Variants in TMEM132C observed in about 807,000 individuals in gnomAD.
TMEM132C encodes transmembrane protein 132C, also known as protein phosphatase 1, regulatory subunit 152.
In TMEM132C, 29 loss-of-function variants were observed where a neutral mutation model predicts 61.4. The ratio of observed to expected loss-of-function variants is 0.47; its 90% CI spans 0.35 to 0.64. The LOEUF is 0.64. Ranked by LOEUF, TMEM132C falls within the 30% of genes least tolerant of loss-of-function variation. TMEM132C has a pLI of 0.00. For synonymous variants in TMEM132C, 656 were observed against 633.1 expected, an observed-to-expected ratio of 1.04 and a Z score of -0.54; for missense variants, 1,408 against 1,476.9, an observed-to-expected ratio of 0.95 and a Z score of 0.76.
intron 1 of TMEM132C, among the ~76,000 whole-genome samples, chr12:128,295,249 G>A (rs555001559): frequency 2.6e-5 from 4 of 152,166 alleles, no homozygotes; most frequent in Admixed American, 1.3e-4. Flanking sequence ...ACAACTCACC[G>A]CAGCCTCGAA....
chr12:128,298,446 G>A (rs1871490362), intron 1 of TMEM132C, among the ~76,000 whole-genome samples: 1 of 152,038 alleles, frequency 6.6e-6, no homozygotes, highest in African/African-American at 2.4e-5. Context: ...AGACTCACAG[G>A]AAGTTGCATA....
intron 2 of TMEM132C, among the ~76,000 whole-genome samples, chr12:128,429,269 A>T (rs1294556470): frequency 1.3e-5 from 2 of 152,178 alleles, no homozygotes; most frequent in Non-Finnish European, 1.5e-5. Flanking sequence ...GATATCCTAC[A>T]ATGTGCAAGA....
At chr12:128,461,740 G>A (rs1870540330) in intron 2 of TMEM132C, among the ~76,000 whole-genome samples, 1 of 152,140 alleles carries the variant, frequency 6.6e-6, no homozygotes, top group South Asian at 2.1e-4. Context: ...GTTGATGTGT[G>A]TGATAGTGGT....
At chr12:128,403,419 T>C (rs1875235955) in intron 1 of TMEM132C, among the ~76,000 whole-genome samples, 1 of 152,092 alleles carries the variant, frequency 6.6e-6, no homozygotes, top group African/African-American at 2.4e-5. Flanking sequence ...AAGAGCCCAC[T>C]TCCCTTAATT....
intron 2 of TMEM132C, among the ~76,000 whole-genome samples, chr12:128,476,564 G>A (rs1196966767): frequency 6.6e-6 from 1 of 152,128 alleles, no homozygotes; most frequent in African/African-American, 2.4e-5. Context: ...ATATTGATGG[G>A]GACTGGGAAA....
chr12:128,650,798 G>A (rs1205981055), intron 4 of TMEM132C, among the ~76,000 whole-genome samples: 2 of 152,114 alleles, frequency 1.3e-5, no homozygotes, highest in Admixed American at 6.5e-5. Flanking sequence ...TCACTCATAG[G>A]GCACCTGAGA....
At position 128,327,332 on chromosome 12, in the gene TMEM132C, G is replaced by A. The variant is rs975688059; in HGVS notation, c.85+59845G>A. Among the ~76,000 whole-genome samples the A allele has an allele frequency of 1.2e-4, 18 of 149,964 alleles. 1 individual carries two copies. The highest frequency in any genetic ancestry group is 9.8e-4 in the Admixed American group (15 of 15,254). ...ACAGCCCACAGGAGATCCTGAGAAC[G>A]TGTGCCCCAGGTGCCCGGGGCGCAG... is the stretch of plus-strand genomic sequence containing the variant. On this transcript the variant is annotated intron_variant, in intron 1 of 8. Coordinates refer to ENST00000435159, the MANE Select transcript of TMEM132C (RefSeq NM_001136103.3).
intron 3 of TMEM132C, among the ~76,000 whole-genome samples, chr12:128,581,229 G>A (rs774269461): frequency 6.6e-6 from 1 of 151,990 alleles, no homozygotes; most frequent in African/African-American, 2.4e-5. Context: ...ATATCAAAAC[G>A]CTGTTGGAAT....
At chr12:128,366,553 A>G (rs1425495456) in intron 1 of TMEM132C, among the ~76,000 whole-genome samples, 1 of 152,132 alleles carries the variant, frequency 6.6e-6, no homozygotes, top group African/African-American at 2.4e-5. Flanking sequence ...CAGGGCATGG[A>G]AATGGCCCTT....
intron 3 of TMEM132C, among the ~76,000 whole-genome samples, chr12:128,585,572 G>A (rs911269199): frequency 2.0e-5 from 3 of 152,254 alleles, no homozygotes; most frequent in African/African-American, 7.2e-5. Context: ...GGTCAGATAA[G>A]TTCTGGGACT....
chr12:128,359,371 C>T (rs1277117949), intron 1 of TMEM132C, among the ~76,000 whole-genome samples: 1 of 152,128 alleles, frequency 6.6e-6, no homozygotes, highest in Admixed American at 6.5e-5. Flanking sequence ...TCAGATCTGG[C>T]AAGACTTATT....
Position 128,365,354 on chromosome 12 carries a change from G to A in TMEM132C, c.86-49378G>A, listed in dbSNP as rs574891532. The stretch of plus-strand genomic sequence containing the variant: ...CAGCTTGGTGTGAGTACTCAGGGAA[G>A]CTCTTACCCGTTGCTGCTGTTGTCA... On this transcript the variant is annotated intron_variant, in intron 1 of 8. Coordinates refer to ENST00000435159, the MANE Select transcript of TMEM132C (RefSeq NM_001136103.3). Among the ~76,000 whole-genome samples, 156 of 152,292 alleles carry A rather than the reference G, an allele frequency of 1.0e-3. 1 individual carries two copies. Among genetic ancestry groups the A allele is most frequent in the African/African-American group, 3.6e-3 (151 of 41,560 alleles).
Position 128,694,015 on chromosome 12 carries a change from C to T in TMEM132C, c.1636C>T (p.Pro546Ser). ...ELSQIKGWRVPIVTNKRPTRE... is the reference protein window; with the variant it reads ...ELSQIKGWRVSIVTNKRPTRE... ...CAGCCAGATAAAGGGCTGGAGGGTC[C>T]CCATTGTGACCAATAAGAGGTGAGC... is the stretch of plus-strand genomic sequence containing the variant. The change falls in exon 6 of 9, where the codon CCC becomes TCC. Residue 546 changes from proline (P) to serine (S), a missense_variant. By Grantham distance (74) the Pro-to-Ser change is moderately conservative (BLOSUM62 -1). Coordinates refer to ENST00000435159, the MANE Select transcript of TMEM132C (RefSeq NM_001136103.3). 1 of 1,551,680 alleles carries T rather than the reference C, an allele frequency of 6.4e-7. No homozygotes were observed. Among genetic ancestry groups the T allele is most frequent in the Non-Finnish European group, 8.7e-7 (1 of 1,146,998 alleles).
At chr12:128,290,859 AAAAG>A (rs770065439) in intron 1 of TMEM132C, among the ~76,000 whole-genome samples, 1 of 151,902 alleles carries the variant, frequency 6.6e-6, no homozygotes, top group Non-Finnish European at 1.5e-5. Flanking sequence ...AAAAAAAAAA[AAAAG>A]AAATAAGTGA....
At chr12:128,428,831 A>G (rs751839089) in intron 2 of TMEM132C, among the ~76,000 whole-genome samples, 1 of 152,218 alleles carries the variant, frequency 6.6e-6, no homozygotes, top group Non-Finnish European at 1.5e-5. Context: ...CAGTTTCTAC[A>G]TAGAGATGAT....
At chr12:128,568,173 T>A (rs1028220256) in intron 3 of TMEM132C, among the ~76,000 whole-genome samples, 8 of 152,322 alleles carry the variant, frequency 5.3e-5, no homozygotes, top group Middle Eastern at 6.8e-3. Flanking sequence ...AAAACACCTC[T>A]TAACAATGTC....
chr12:128,652,448 G>A (rs1954280951), intron 4 of TMEM132C, among the ~76,000 whole-genome samples: 1 of 152,214 alleles, frequency 6.6e-6, no homozygotes, highest in South Asian at 2.1e-4. Flanking sequence ...AGCGATGAGG[G>A]TCACTCATTA....
intron 3 of TMEM132C, among the ~76,000 whole-genome samples, chr12:128,584,465 C>A (rs1364555678): frequency 1.3e-5 from 2 of 152,182 alleles, no homozygotes; most frequent in African/African-American, 2.4e-5. Flanking sequence ...TGTAAGTACT[C>A]GTTTTTGGGT....
At position 128,561,420 on chromosome 12, in the gene TMEM132C, C is replaced by A. The variant is rs988187736; in HGVS notation, c.1121+17317C>A. Among the ~76,000 whole-genome samples, 3 of 152,316 alleles carry A rather than the reference C, an allele frequency of 2.0e-5. No individual in the cohort carries two copies. The East Asian group carries it at 5.8e-4, about 29-fold the overall frequency. On this transcript the variant is annotated intron_variant, in intron 3 of 8. Transcript: ENST00000435159. ...GCTTGAAAACGGAAGAGTCTTCACA[C>A]GCTGCCTTCTGCATGCCTGTTAAAC...
Sources: gnomAD v4.1 joint callset for allele counts (sites outside exome capture counted in the v4.1 genomes callset) on GRCh38, gnomAD v4.1.1 for gene constraint, MANE v1.5 for transcripts, NCBI Gene and HGNC (gene_info 2026-07-23, HGNC 2026-07-21) for gene names.